KALRN: variants seen among roughly 807,000 people sequenced by gnomAD.
KALRN encodes kalirin RhoGEF kinase.
Under a neutral mutation model 353.7 loss-of-function variants are expected in KALRN, and 70 were observed. The ratio of observed to expected loss-of-function variants is 0.20; its 90% CI spans 0.16 to 0.24. The LOEUF is 0.24. Ranked by LOEUF, KALRN falls within the 10% of genes least tolerant of loss-of-function variation. The pLI is 1.00. For missense variants in KALRN, 2,791 were observed against 3,756.7 expected, an observed-to-expected ratio of 0.74 and a Z score of 6.72; for synonymous variants, 1,391 against 1,434.8, an observed-to-expected ratio of 0.97 and a Z score of 0.69.
chr3:124,169,977 G>A (rs2071499248), intron 1 of KALRN, among the ~76,000 whole-genome samples: 1 of 152,218 alleles, frequency 6.6e-6, no homozygotes. Context: ...TGTTGGATAT[G>A]AGAATCTAAG....
intron 34 of KALRN, among the ~76,000 whole-genome samples, chr3:124,629,358 C>A (rs184962490): frequency 6.6e-6 from 1 of 151,956 alleles, no homozygotes; most frequent in Non-Finnish European, 1.5e-5. Context: ...TGCCAAGATT[C>A]GTTAAAAACA....
chr3:124,692,860 T>C (rs903046238), intron 51 of KALRN, among the ~76,000 whole-genome samples: 5 of 152,236 alleles, frequency 3.3e-5, no homozygotes, highest in African/African-American at 1.2e-4. Context: ...AAGTCCGTGC[T>C]TTTTTAAAAC....
At chr3:124,718,771 A>G (rs563375585) in intron 59 of KALRN, among the ~76,000 whole-genome samples, 154 bp from the exon 60 acceptor site, 1 of 152,276 alleles carries the variant, frequency 6.6e-6, no homozygotes, top group African/African-American at 2.4e-5. Flanking sequence ...GAAGTATCCT[A>G]TGCAGTTTCC....
intron 1 of KALRN, among the ~76,000 whole-genome samples, chr3:124,214,710 A>G (rs560221875): frequency 2.5e-4 from 38 of 152,280 alleles, no homozygotes; most frequent in Non-Finnish European, 4.7e-4. Flanking sequence ...AGATTTTAGG[A>G]TCCAACTCAC....
chr3:124,196,093 C>T (rs577285191), intron 1 of KALRN, among the ~76,000 whole-genome samples: 2 of 152,240 alleles, frequency 1.3e-5, no homozygotes, highest in South Asian at 2.1e-4. Flanking sequence ...CCTAGAATTG[C>T]CCCTCAGTGA....
chr3:124,034,700 G>A (rs2039248315), intron 1 of KALRN, among the ~76,000 whole-genome samples: 1 of 151,960 alleles, frequency 6.6e-6, no homozygotes, highest in African/African-American at 2.4e-5. Context: ...TTCTCTGATG[G>A]CCAGGGATTC....
At chr3:124,653,307 T>C (rs1382102365) in intron 38 of KALRN, among the ~76,000 whole-genome samples, 1 of 152,004 alleles carries the variant, frequency 6.6e-6, no homozygotes, top group African/African-American at 2.4e-5. Flanking sequence ...AAGAAAAAAG[T>C]TGAGAATGGA....
chr3:124,360,861 G>A (rs60209188), intron 10 of KALRN, among the ~76,000 whole-genome samples: 4,625 of 152,312 alleles, frequency 0.03, 183 homozygotes, highest in African/African-American at 0.095. Flanking sequence ...AGAAGAGGGA[G>A]CATGTGATGA....
At chr3:124,455,061 C>T (rs2059173359) in intron 21 of KALRN, 116 bp from the exon 22 acceptor site, 2 of 1,073,936 alleles carry the variant, frequency 1.9e-6, no homozygotes, top group Non-Finnish European at 2.7e-6. Context: ...GGGATACATA[C>T]CCAGGTAGTC....
intron 10 of KALRN, among the ~76,000 whole-genome samples, chr3:124,380,731 G>A (rs2087239406): frequency 6.6e-6 from 1 of 152,202 alleles, no homozygotes; most frequent in South Asian, 2.1e-4. Flanking sequence ...GCCCCAATTT[G>A]GGGGTATTGA....
chr3:124,582,101 A>G (rs1385819049), intron 34 of KALRN, among the ~76,000 whole-genome samples: 1 of 150,902 alleles, frequency 6.6e-6, no homozygotes, highest in Non-Finnish European at 1.5e-5. Context: ...GCTCACTGCA[A>G]CCTCCGCCTT....
chr3:124,288,311 CAT>C (rs1238223068), intron 5 of KALRN, among the ~76,000 whole-genome samples: 3 of 152,106 alleles, frequency 2.0e-5, no homozygotes, highest in African/African-American at 7.2e-5. Context: ...TCAAGAAAGG[CAT>C]CAGGAGGAGA....
chr3:124,086,259 C>A (rs2060811400), intron 1 of KALRN, among the ~76,000 whole-genome samples: 2 of 149,884 alleles, frequency 1.3e-5, no homozygotes, highest in African/African-American at 4.9e-5. Flanking sequence ...GCCAAATTGA[C>A]TTATAAGAAT....
chr3:124,161,690 G>C (rs914569281), intron 1 of KALRN, among the ~76,000 whole-genome samples: 1 of 152,170 alleles, frequency 6.6e-6, no homozygotes, highest in African/African-American at 2.4e-5. Flanking sequence ...AGAACTATTT[G>C]CATATCTCCC....
At chr3:124,450,863 T>C (rs901158241) in intron 21 of KALRN, among the ~76,000 whole-genome samples, 5 of 152,098 alleles carry the variant, frequency 3.3e-5, no homozygotes, top group Admixed American at 2.6e-4. Context: ...GCGCCTGGTC[T>C]TTCTGAGACT....
At chr3:124,349,536 C>A (rs1020701720) in intron 10 of KALRN, among the ~76,000 whole-genome samples, 1 of 152,094 alleles carries the variant, frequency 6.6e-6, no homozygotes, top group South Asian at 2.1e-4. Flanking sequence ...CCCAGGGAAG[C>A]CAAAAGATTG....
intron 34 of KALRN, among the ~76,000 whole-genome samples, chr3:124,596,377 G>T (rs1331232730): frequency 2.0e-5 from 3 of 152,108 alleles, no homozygotes; most frequent in African/African-American, 7.2e-5. Context: ...TGAGGCAGGA[G>T]AATCGCTTGA....
chr3:124,474,826 C>A (rs954506788), intron 26 of KALRN, 94 bp downstream of exon 26: 34 of 979,230 alleles, frequency 3.5e-5, no homozygotes, highest in Non-Finnish European at 4.6e-5. Flanking sequence ...CAGTCTCACA[C>A]AAGACCAGGG....
At chr3:124,330,246 T>TCACCCA (rs2080383089) in intron 8 of KALRN, among the ~76,000 whole-genome samples, 1 of 134,308 alleles carries the variant, frequency 7.4e-6, no homozygotes, top group Non-Finnish European at 1.6e-5. Flanking sequence ...TCTCTCTCTC[T>TCACCCA]CACACACACA....
Sources: gnomAD v4.1 joint callset for allele counts (sites outside exome capture counted in the v4.1 genomes callset) on GRCh38, gnomAD v4.1.1 for gene constraint, MANE v1.5 for transcripts, NCBI Gene and HGNC (gene_info 2026-07-23, HGNC 2026-07-21) for gene names.